The following PRDM16 variants were observed in gnomAD, a reference collection of about 807,000 sequenced individuals.
PRDM16 encodes the protein PR/SET domain 16, also known as histone-lysine N-methyltransferase PRDM16.
Under a neutral mutation model 110.6 loss-of-function variants are expected in PRDM16, and 23 were observed. The observed-to-expected ratio is 0.21, with a 90% CI of 0.15 to 0.29. The LOEUF (loss-of-function observed/expected upper bound fraction) is 0.29. PRDM16 is among the 10% of genes least tolerant of loss of function. The probability of loss-of-function intolerance (pLI) is 1.00; values close to 1 mark genes in which losing one functional copy is unlikely to be tolerated. For missense variants in PRDM16, 1,615 were observed against 1,794.3 expected, an observed-to-expected ratio of 0.90 and a Z score of 1.81; for synonymous variants, 799 against 781.8, an observed-to-expected ratio of 1.02 and a Z score of -0.37.
At chr1:3,320,994 C>T (rs1641726797) in intron 3 of PRDM16, among the ~76,000 whole-genome samples, 1 of 152,232 alleles carries the variant, frequency 6.6e-6, no homozygotes, top group African/African-American at 2.4e-5. Context: ...AACGCGTGCC[C>T]TTCCTCATGG....
rs1643945184 is a variant in PRDM16 at position 3,165,616 on chromosome 1, CAGGGACAGGGACTCACCTGGGCT to C, written c.38-20508_38-20486del. On this transcript the variant is annotated intron_variant, in intron 1 of 16. Transcript: ENST00000270722. ...CCAGGGACAGGGACTCACCTGGGCT[CAGGGACAGGGACTCACCTGGGCT>C]CAGGGACAGGGACTCACCTGGGCTC... Among the ~76,000 whole-genome samples, 3 of 126,218 alleles carry C rather than the reference CAGGGACAGGGACTCACCTGGGCT, an allele frequency of 2.4e-5. 1 individual carries two copies. The highest frequency in any genetic ancestry group is 1.0e-4 in the African/African-American group (3 of 29,716). 82.8% of individuals were successfully genotyped at this position (126,218 alleles called of 152,430 possible). A position where few individuals can be genotyped will look rare whatever the true frequency, so the allele number is the denominator to read the frequency against.
rs1639742192 is a variant in PRDM16, at chr1:3,244,393, C to T, written c.438+256C>T. Among the ~76,000 whole-genome samples, 2 of 152,044 alleles carry T rather than the reference C, an allele frequency of 1.3e-5. No homozygotes were observed. The highest frequency in any genetic ancestry group is 1.3e-4 in the Admixed American group (2 of 15,280). Reference sequence around the variant, plus strand: ...GGGCCATCCGCCACTCTCCTAACTCCCGAGAGTGGAGGAGAGCCCTGTACC... The same window carrying T: ...GGGCCATCCGCCACTCTCCTAACTCTCGAGAGTGGAGGAGAGCCCTGTACC... On this transcript the variant is annotated intron_variant, in intron 3 of 16. Coordinates refer to ENST00000270722, the MANE Select transcript of PRDM16 (RefSeq NM_022114.4). The surrounding 1 kb of genome is among the most constrained non-coding windows in gnomAD (Gnocchi z 4.1).
intron 3 of PRDM16, among the ~76,000 whole-genome samples, chr1:3,342,666 A>T (rs1387163499): frequency 6.6e-6 from 1 of 152,242 alleles, no homozygotes; most frequent in African/African-American, 2.4e-5. Flanking sequence ...GCAAATGGCC[A>T]GCCGCTGTTC....
rs562419843 is a variant in PRDM16, at chr1:3,244,868, A to G, written c.438+731A>G. 4.6e-5 allele frequency among the ~76,000 whole-genome samples: 7 copies of G among 152,302 alleles called. No individual in the cohort carries two copies. Among genetic ancestry groups the G allele is most frequent in the African/African-American group, 1.4e-4 (6 of 41,562 alleles). On this transcript the variant is annotated intron_variant, in intron 3 of 16. Coordinates refer to ENST00000270722, the MANE Select transcript of PRDM16 (RefSeq NM_022114.4). The surrounding 1 kb of genome is among the most constrained non-coding windows in gnomAD (Gnocchi z 4.1). Reference sequence around the variant, plus strand: ...GCAGCCAGAACTCCTCTTCGACGGGATATGCATTGCCTGCACGCACACACA... The same window carrying G: ...GCAGCCAGAACTCCTCTTCGACGGGGTATGCATTGCCTGCACGCACACACA...
In PRDM16 at chr1:3,093,464, G is replaced by A. The variant is rs1158706518; in HGVS notation, c.37+24168G>A. ...CCAGAATTGATTGACTGTTTCTCCA[G>A]ACTTTGGGGGCCCTGGAATCAAGTG... On this transcript the variant is annotated intron_variant, in intron 1 of 16. Coordinates refer to ENST00000270722, the MANE Select transcript of PRDM16 (RefSeq NM_022114.4). Among the ~76,000 whole-genome samples the A allele has an allele frequency of 2.0e-5, 3 of 152,220 alleles. No homozygotes were observed. The East Asian group carries it at 5.8e-4, about 29-fold the overall frequency.
At chr1:3,200,487 C>A (rs540210077) in intron 2 of PRDM16, among the ~76,000 whole-genome samples, 2 of 152,184 alleles carry the variant, frequency 1.3e-5, no homozygotes, top group South Asian at 2.1e-4. Flanking sequence ...GGACTACAGG[C>A]GCCCGCCACC....
At chr1:3,417,639 G>A (rs1474857797) in intron 10 of PRDM16, among the ~76,000 whole-genome samples, 189 bp from the exon 11 acceptor site, 4 of 152,228 alleles carry the variant, frequency 2.6e-5, no homozygotes, top group Non-Finnish European at 4.4e-5. Flanking sequence ...GGAAGGACAA[G>A]AGCAGGGCTG....
Position 3,143,319 on chromosome 1 carries a change from C to T in PRDM16, c.38-42806C>T, listed in dbSNP as rs542681643. On this transcript the variant is annotated intron_variant, in intron 1 of 16. Coordinates refer to ENST00000270722, the MANE Select transcript of PRDM16 (RefSeq NM_022114.4). This position sits in a 1 kb window ranked among gnomAD's most constrained non-coding sequence, Gnocchi z 4.5. ...GAGGACTTCGTCAGGTGTCAGGACT[C>T]GGGACAGCAGGACCCTCAGGCAGTA... Among the ~76,000 whole-genome samples, 1 of 152,092 alleles carries T rather than the reference C, an allele frequency of 6.6e-6. No homozygotes were observed. Among genetic ancestry groups the T allele is most frequent in the Non-Finnish European group, 1.5e-5 (1 of 68,012 alleles).
At chr1:3,181,070 A>G (rs963591267) in intron 1 of PRDM16, among the ~76,000 whole-genome samples, 6 of 142,332 alleles carry the variant, frequency 4.2e-5, no homozygotes, top group Non-Finnish European at 9.1e-5. Context: ...GGTCTTACAC[A>G]CCCGGTCTTA....
At chr1:3,387,957 G>T (rs565502692) in intron 4 of PRDM16, among the ~76,000 whole-genome samples, 3 of 152,224 alleles carry the variant, frequency 2.0e-5, no homozygotes, top group Non-Finnish European at 4.4e-5. Context: ...GCGCTGTGAC[G>T]GCTGTGACGG....
At chr1:3,431,503 C>T (rs2100703271) in intron 15 of PRDM16, among the ~76,000 whole-genome samples, 1 of 152,376 alleles carries the variant, frequency 6.6e-6, no homozygotes, top group Middle Eastern at 3.4e-3. Context: ...GGGCCACTTC[C>T]CCATGTCCTC....
At chr1:3,184,718 C>G (rs1322136587) in intron 1 of PRDM16, among the ~76,000 whole-genome samples, 1 of 152,148 alleles carries the variant, frequency 6.6e-6, no homozygotes, top group Non-Finnish European at 1.5e-5. Flanking sequence ...TCGCTGTCAC[C>G]CCCACCCCAG....
chr1:3,380,242 G>GC (rs1489622120), intron 3 of PRDM16, among the ~76,000 whole-genome samples: 1 of 151,704 alleles, frequency 6.6e-6, no homozygotes, highest in Non-Finnish European at 1.5e-5. Context: ...AAGGGTTAGC[G>GC]CCCACCTGGC....
chr1:3,146,824 A>AGT (rs201145721), intron 1 of PRDM16, among the ~76,000 whole-genome samples: 1 of 21,068 alleles, frequency 4.7e-5, no homozygotes. Flanking sequence ...CTCAGTATGG[A>AGT]GTGTGTGTGT....
At chr1:3,176,151 C>CCA (rs1313572239) in intron 1 of PRDM16, among the ~76,000 whole-genome samples, 117 of 152,118 alleles carry the variant, frequency 7.7e-4, no homozygotes, top group African/African-American at 2.8e-3. Flanking sequence ...ACTCATTCAT[C>CCA]TATCCATCCA....
chr1:3,391,917 G>A lies in PRDM16; in HGVS notation c.574-4574G>A, dbSNP rs867587502. 2.0e-5 allele frequency among the ~76,000 whole-genome samples: 3 copies of A among 152,238 alleles called. No homozygotes were observed. The South Asian group carries it at 6.2e-4, about 32-fold the overall frequency. ...AAATCGGGGTGCTGCCCCTGCTGGC[G>A]CTTAGGGCATCATCACTACGACATG... On this transcript the variant is annotated intron_variant, in intron 4 of 16. Transcript: ENST00000270722.
chr1:3,163,408 G>A (rs1446649104), intron 1 of PRDM16, among the ~76,000 whole-genome samples: 1 of 152,194 alleles, frequency 6.6e-6, no homozygotes, highest in East Asian at 1.9e-4. Context: ...GGAGGACACA[G>A]ATCTCCAAGG....
chr1:3,396,353 A>T (rs1466158118), intron 4 of PRDM16, 138 bp from the exon 5 acceptor site: 2 of 707,422 alleles, frequency 2.8e-6, no homozygotes, highest in East Asian at 2.7e-5. Flanking sequence ...TCCATAGTGG[A>T]CCCTCTTGGT....
chr1:3,435,986 G>C lies in PRDM16; in HGVS notation c.*2175G>C, dbSNP rs763296474. On this transcript the variant is annotated 3_prime_UTR_variant, in exon 17 of 17. Coordinates refer to ENST00000270722, the MANE Select transcript of PRDM16 (RefSeq NM_022114.4). ...CTGCAGAAGAGCCAGCTGGCGTGTC[G>C]GGAAGGATCCAGGATCTGCAAACAC... is the stretch of plus-strand genomic sequence containing the variant. 4.3e-6 allele frequency: 1 copy of C among 230,472 alleles called. No individual in the cohort carries two copies. Among genetic ancestry groups the C allele is most frequent in the African/African-American group, 2.2e-5 (1 of 45,134 alleles). 14.3% of individuals were successfully genotyped at this position (230,472 alleles called of 1,614,324 possible). A position where few individuals can be genotyped will look rare whatever the true frequency, so the allele number is the denominator to read the frequency against.
Sources: allele counts gnomAD v4.1 joint callset (sites outside exome capture counted in the v4.1 genomes callset), GRCh38; gene constraint gnomAD v4.1.1; non-coding constraint Gnocchi (gnomAD v3.1); transcripts MANE v1.5; gene names NCBI Gene and HGNC (gene_info 2026-07-23, HGNC 2026-07-21).